The following CCDC69 variants were observed in gnomAD, a reference collection of about 807,000 sequenced individuals.
The protein encoded by CCDC69 is coiled-coil domain-containing protein 69.
In CCDC69, 38 loss-of-function variants were observed where a neutral mutation model predicts 40.3. The observed-to-expected ratio is 0.94, with a 90% CI of 0.73 to 1.24. The LOEUF (loss-of-function observed/expected upper bound fraction) is 1.24, where lower values mean the gene tolerates loss of function less well. CCDC69 is among the 50% of genes most tolerant of loss of function. The pLI is 0.00. For missense variants in CCDC69, 389 were observed against 357.9 expected, an observed-to-expected ratio of 1.09 and a Z score of -0.70; for synonymous variants, 141 against 138.9, an observed-to-expected ratio of 1.02 and a Z score of -0.11.
intron 1 of CCDC69, among the ~76,000 whole-genome samples, chr5:151,212,588 A>T (rs1193370314): frequency 1.3e-5 from 2 of 152,208 alleles, no homozygotes; most frequent in Non-Finnish European, 2.9e-5. Flanking sequence ...GATGCTCTAG[A>T]GTATACTCTC....
intron 4 of CCDC69, among the ~76,000 whole-genome samples, chr5:151,196,742 G>A (rs1752707351): frequency 6.6e-6 from 1 of 152,244 alleles, no homozygotes; most frequent in African/African-American, 2.4e-5. Context: ...AAAAGGATGT[G>A]CCACCATTGG....
intron 4 of CCDC69, among the ~76,000 whole-genome samples, chr5:151,192,116 G>GAAAAAAAAAAAAAAAAAAAGAAAAAA: frequency 1.4e-5 from 1 of 69,352 alleles, no homozygotes; most frequent in Non-Finnish European, 3.0e-5. Flanking sequence ...AGAATGAAAA[G>GAAAAAAAAAAAAAAAAAAAGAAAAAA]AAATAAAAAA....
chr5:151,203,859 T>C (rs1159309139), intron 2 of CCDC69, among the ~76,000 whole-genome samples: 3 of 140,530 alleles, frequency 2.1e-5, no homozygotes, highest in Non-Finnish European at 4.5e-5. Context: ...ATATAGTATA[T>C]ATATAAAATA....
intron 4 of CCDC69, 94 bp from the exon 5 acceptor site, chr5:151,187,553 T>A: frequency 2.0e-6 from 2 of 1,002,850 alleles, no homozygotes; most frequent in East Asian, 2.4e-5. Flanking sequence ...GATATTTAAC[T>A]GGGGCCCATA....
At chr5:151,212,837 T>G (rs1257201464) in intron 1 of CCDC69, 1 of 456,054 alleles carries the variant, frequency 2.2e-6, no homozygotes, top group Non-Finnish European at 4.4e-6. Flanking sequence ...CATGAGGAGG[T>G]TCCAGAAGTT....
Position 151,183,494 on chromosome 5 carries a change from C to A in CCDC69, c.834G>T (p.Ser278=), listed in dbSNP as rs139418827. ...TGACAGGGGCCAGAGGGAAGGCAGG[C>A]GAGGCATTGGCCCCAAGGACCCGGT... ...LLYRVLGANA[S]PAFPLAPVTP... Residue 278 remains serine, a synonymous_variant, in exon 9 of 9, where the codon TCG becomes TCT. Transcript: ENST00000355417. The A allele has an allele frequency of 3.1e-6, 5 of 1,607,030 alleles. No homozygotes were observed. Among genetic ancestry groups the A allele is most frequent in the South Asian group, 1.1e-5 (1 of 89,132 alleles).
intron 3 of CCDC69, 93 bp downstream of exon 3, chr5:151,201,489 C>T: frequency 2.6e-6 from 2 of 772,018 alleles, no homozygotes; most frequent in African/African-American, 1.8e-5. Context: ...ACTCTTACAA[C>T]AGCAACAAAA....
intron 4 of CCDC69, among the ~76,000 whole-genome samples, chr5:151,198,426 G>A (rs1183337256): frequency 6.6e-6 from 1 of 151,928 alleles, no homozygotes; most frequent in African/African-American, 2.4e-5. Flanking sequence ...TGTTGCCCAG[G>A]TTAGTCTTGA....
At chr5:151,195,730 A>AC (rs1752690253) in intron 4 of CCDC69, among the ~76,000 whole-genome samples, 1 of 150,306 alleles carries the variant, frequency 6.7e-6, no homozygotes, top group Non-Finnish European at 1.5e-5. Context: ...AAAAAAAAAA[A>AC]AAAAAAAAAC....
intron 4 of CCDC69, among the ~76,000 whole-genome samples, chr5:151,195,070 CA>C (rs1752679144): frequency 6.6e-6 from 1 of 152,070 alleles, no homozygotes; most frequent in African/African-American, 2.4e-5. Context: ...TACCTCTCCC[CA>C]TACATATAAA....
At chr5:151,184,664 C>T (rs900685526) in intron 7 of CCDC69, 12 of 470,290 alleles carry the variant, frequency 2.6e-5, no homozygotes, top group Non-Finnish European at 4.2e-5. Flanking sequence ...ATTACAGGCC[C>T]TACCATCTCA....
At chr5:151,216,206 G>A (rs1199387111) in intron 1 of CCDC69, among the ~76,000 whole-genome samples, 2 of 152,010 alleles carry the variant, frequency 1.3e-5, no homozygotes, top group African/African-American at 4.8e-5. Context: ...TGATCTGCCC[G>A]CCTTAGCCTC....
intron 1 of CCDC69, chr5:151,212,773 G>A (rs562612605): frequency 4.4e-5 from 20 of 456,080 alleles, no homozygotes; most frequent in African/African-American, 4.0e-4. Context: ...AATGTCATGG[G>A]TAGAAGCTGC....
chr5:151,185,130 GT>G (rs755094935), intron 7 of CCDC69: 2 of 279,600 alleles, frequency 7.2e-6, no homozygotes, highest in Non-Finnish European at 1.4e-5. Context: ...CAACCCTAGG[GT>G]TTCTGAGGCT....
At chr5:151,221,840 G>T (rs1255655568) in intron 1 of CCDC69, among the ~76,000 whole-genome samples, 1 of 152,232 alleles carries the variant, frequency 6.6e-6, no homozygotes, top group Admixed American at 6.5e-5. Flanking sequence ...TCTCCCAGGG[G>T]GCTGGTAGCC....
intron 1 of CCDC69, among the ~76,000 whole-genome samples, chr5:151,223,689 C>A (rs1377430729): frequency 2.6e-5 from 4 of 152,194 alleles, no homozygotes; most frequent in African/African-American, 9.6e-5. Flanking sequence ...GAATCAGCTG[C>A]CTTTCCCTGG....
chr5:151,205,761 C>A (rs1239652277), intron 1 of CCDC69, among the ~76,000 whole-genome samples: 1 of 152,160 alleles, frequency 6.6e-6, no homozygotes, highest in East Asian at 1.9e-4. Flanking sequence ...CTGCTGCCAT[C>A]CCTGGGGGCC....
At chr5:151,209,929 G>C (rs1752906588) in intron 1 of CCDC69, among the ~76,000 whole-genome samples, 1 of 152,060 alleles carries the variant, frequency 6.6e-6, no homozygotes, top group Non-Finnish European at 1.5e-5. Flanking sequence ...TCCAGTTAAA[G>C]TACTAGTAGG....
intron 4 of CCDC69, 135 bp from the exon 5 acceptor site, chr5:151,187,594 A>G (rs1752542987): frequency 1.5e-6 from 1 of 660,282 alleles, no homozygotes; most frequent in Admixed American, 2.7e-5. Context: ...GGTCTTATTC[A>G]TCCTTCTGTC....
Sources: allele counts gnomAD v4.1 joint callset (sites outside exome capture counted in the v4.1 genomes callset), GRCh38; gene constraint gnomAD v4.1.1; transcripts MANE v1.5; gene names NCBI Gene and HGNC (gene_info 2026-07-23, HGNC 2026-07-21).